The following COLEC10 variants were observed in gnomAD, a reference collection of about 807,000 sequenced individuals.
COLEC10 encodes the protein collectin subfamily member 10.
COLEC10 carries 22 observed loss-of-function variants against 28.4 expected under a neutral mutation model. The observed-to-expected ratio is 0.78, with a 90% confidence interval of 0.55 to 1.11. The LOEUF is 1.11. Among genes scored for constraint, COLEC10 ranks in the 50% least tolerant of loss-of-function variants. COLEC10 has a pLI of 0.00. For synonymous variants in COLEC10, 125 were observed against 116.1 expected, an observed-to-expected ratio of 1.08 and a Z score of -0.49; for missense variants, 361 against 344.1, an observed-to-expected ratio of 1.05 and a Z score of -0.39.
chr8:119,057,107 C>T (rs1370913781), intron 2 of COLEC10, among the ~76,000 whole-genome samples: 2 of 152,000 alleles, frequency 1.3e-5, no homozygotes, highest in Non-Finnish European at 2.9e-5. Context: ...GTAATCCCCA[C>T]GTGTTGAGGG....
rs1815977791 is a variant in COLEC10 at position 119,107,705 on chromosome 8, C to G, written c.*1514C>G. Among the ~76,000 whole-genome samples the G allele has an allele frequency of 6.6e-6, 1 of 152,128 alleles. No individual in the cohort carries two copies. Among genetic ancestry groups the G allele is most frequent in the South Asian group, 2.1e-4 (1 of 4,822 alleles). ...TAAATGAAGTGGAACACGTGGGGACCCTAGTGCACTGAGCACAGCTTGCCC... is the reference window on the plus strand; with the variant it reads ...TAAATGAAGTGGAACACGTGGGGACGCTAGTGCACTGAGCACAGCTTGCCC... On this transcript the variant is annotated 3_prime_UTR_variant, in exon 6 of 6. Coordinates refer to ENST00000332843, the MANE Select transcript of COLEC10 (RefSeq NM_006438.5).
chr8:119,072,908 C>T (rs1815153734), intron 1 of COLEC10, among the ~76,000 whole-genome samples: 1 of 152,214 alleles, frequency 6.6e-6, no homozygotes, highest in African/African-American at 2.4e-5. Flanking sequence ...CACTATTTTA[C>T]TGGACATGGC....
upstream of COLEC10, among the ~76,000 whole-genome samples, chr8:119,064,692 T>C (rs1814920985): frequency 6.6e-6 from 1 of 152,242 alleles, no homozygotes; most frequent in South Asian, 2.1e-4. Flanking sequence ...TTGGACATTT[T>C]AAGTGTTTGT....
the COLEC10 span, among the ~76,000 whole-genome samples, chr8:118,970,466 A>G: frequency 3.3e-5 from 5 of 152,000 alleles, no homozygotes; most frequent in African/African-American, 4.8e-5. Flanking sequence ...TCCAGGTTCC[A>G]CTATTTGATT....
intron 2 of COLEC10, among the ~76,000 whole-genome samples, chr8:119,043,131 T>C (rs934720096): frequency 1.3e-5 from 2 of 152,224 alleles, no homozygotes; most frequent in African/African-American, 2.4e-5. Context: ...ATATCATTTA[T>C]AATTTAAAAG....
At chr8:119,074,131 T>C (rs1665004313) in intron 1 of COLEC10, among the ~76,000 whole-genome samples, 1 of 151,774 alleles carries the variant, frequency 6.6e-6, no homozygotes, top group Non-Finnish European at 1.5e-5. Context: ...AATAGAAAGA[T>C]GATTAACAGA....
chr8:119,086,863 G>A (rs1815490520), intron 1 of COLEC10, among the ~76,000 whole-genome samples: 1 of 152,214 alleles, frequency 6.6e-6, no homozygotes, highest in Non-Finnish European at 1.5e-5. Context: ...CCAAGACCCA[G>A]AAATGCTAAG....
intron 1 of COLEC10, among the ~76,000 whole-genome samples, chr8:119,085,590 CTTCTTCTTCT>C (rs1815460815): frequency 8.2e-5 from 8 of 96,992 alleles, no homozygotes; most frequent in South Asian, 3.7e-4. Flanking sequence ...CTTCTTCTTT[CTTCTTCTTCT>C]TTTTTTTTTT....
the COLEC10 span, among the ~76,000 whole-genome samples, chr8:118,988,545 A>G: frequency 1.3e-4 from 20 of 152,156 alleles, 2 homozygotes; most frequent in Admixed American, 1.2e-3. Flanking sequence ...GGAGTAGGAG[A>G]CGAGAGAAAA....
chr8:119,071,787 T>C (rs1815130813), intron 1 of COLEC10, among the ~76,000 whole-genome samples: 1 of 152,152 alleles, frequency 6.6e-6, no homozygotes, highest in Non-Finnish European at 1.5e-5. Context: ...TCAATACATA[T>C]TTTTGATTAA....
At chr8:119,092,599 T>C (rs1398534714) in intron 3 of COLEC10, among the ~76,000 whole-genome samples, 3 of 152,120 alleles carry the variant, frequency 2.0e-5, no homozygotes, top group Admixed American at 2.0e-4. Context: ...TTCAGGAAGA[T>C]AGAACTTTCT....
chr8:119,023,428 G>A (rs975665667), intron 2 of COLEC10, among the ~76,000 whole-genome samples: 1 of 152,014 alleles, frequency 6.6e-6, no homozygotes, highest in African/African-American at 2.4e-5. Context: ...CACAGAGCCT[G>A]GCATAGAATA....
At chr8:118,992,640 G>C (rs1370997145), upstream of COLEC10, among the ~76,000 whole-genome samples, 1 of 152,030 alleles carries the variant, frequency 6.6e-6, no homozygotes, top group Non-Finnish European at 1.5e-5. Flanking sequence ...CAAAATCCCT[G>C]GGTGAAGAAA....
In COLEC10 at chr8:119,106,631, T is replaced by C. The variant is rs1290856188; in HGVS notation, c.*440T>C. The C allele has an allele frequency of 6.2e-6, 1 of 160,532 alleles. No homozygotes were observed. Among genetic ancestry groups the C allele is most frequent in the East Asian group, 1.7e-4 (1 of 5,786 alleles). 9.9% of individuals were successfully genotyped at this position (160,532 alleles called of 1,614,324 possible). ...AAGCCAGACATGTACAAGGGCTTTC[T>C]GTGAGCAATGATAAGATCTTTGAAT... On this transcript the variant is annotated 3_prime_UTR_variant, in exon 6 of 6. Coordinates refer to ENST00000332843, the MANE Select transcript of COLEC10 (RefSeq NM_006438.5).
At chr8:119,076,025 C>A (rs1266053890) in intron 1 of COLEC10, among the ~76,000 whole-genome samples, 1 of 148,738 alleles carries the variant, frequency 6.7e-6, no homozygotes, top group Admixed American at 6.7e-5. Flanking sequence ...CTCAGCCTCC[C>A]GAGTAGCTGG....
chr8:118,953,095 A>T, the COLEC10 span, among the ~76,000 whole-genome samples: 1 of 152,200 alleles, frequency 6.6e-6, no homozygotes, highest in Non-Finnish European at 1.5e-5. Context: ...GGATCAGAGC[A>T]TCTGCCCCTT....
rs183174178 is a variant in COLEC10, at chr8:119,013,344, C to T, written n.235+3791C>T. ...GAAAGCAGACATTGTATGATTTCTG[C>T]TCTTTAAATGTGGTAAAGTGTATTT... On this transcript the variant is annotated intron_variant and non_coding_transcript_variant, in intron 2 of 6. Transcript: ENST00000521788. Among the ~76,000 whole-genome samples, 3 of 150,574 alleles carry T rather than the reference C, an allele frequency of 2.0e-5. No individual in the cohort carries two copies. In the East Asian group the frequency reaches 5.8e-4, roughly 29 times the overall value.
At chr8:119,069,746 T>C in intron 1 of COLEC10, among the ~76,000 whole-genome samples, 1 of 148,110 alleles carries the variant, frequency 6.8e-6, no homozygotes, top group East Asian at 2.0e-4. Flanking sequence ...ATATGTATAT[T>C]TACCTCTACA....
the COLEC10 span, among the ~76,000 whole-genome samples, chr8:118,984,617 G>A: frequency 6.6e-6 from 1 of 152,134 alleles, no homozygotes; most frequent in African/African-American, 2.4e-5. Context: ...CAGAGTCACA[G>A]AGGGAAAGCA....
Sources: allele counts gnomAD v4.1 joint callset (sites outside exome capture counted in the v4.1 genomes callset), GRCh38; gene constraint gnomAD v4.1.1; transcripts MANE v1.5; gene names NCBI Gene and HGNC (gene_info 2026-07-23, HGNC 2026-07-21).